GAB1: variants seen among roughly 807,000 people sequenced by gnomAD.
The protein encoded by GAB1 is GRB2 associated binding protein 1, also known as GRB2-associated-binding protein 1.
A neutral mutation model predicts 66.5 loss-of-function variants in GAB1; 19 were observed. That is an observed-to-expected ratio of 0.29 (90% confidence interval 0.20 to 0.42). The LOEUF (loss-of-function observed/expected upper bound fraction) is 0.42, where lower values mean the gene tolerates loss of function less well. Among genes scored for constraint, GAB1 ranks in the 10% least tolerant of loss-of-function variants. The pLI is 1.00. For synonymous variants in GAB1, 294 were observed against 301.4 expected, an observed-to-expected ratio of 0.98 and a Z score of 0.25; for missense variants, 732 against 858.5, an observed-to-expected ratio of 0.85 and a Z score of 1.84.
At chr4:143,437,610 G>A (rs1307804750) in intron 3 of GAB1, among the ~76,000 whole-genome samples, 1 of 152,170 alleles carries the variant, frequency 6.6e-6, no homozygotes, top group African/African-American at 2.4e-5. Context: ...AACTGTACTA[G>A]CACTAGGTTT....
At chr4:143,372,755 A>G (rs1730188930) in intron 1 of GAB1, among the ~76,000 whole-genome samples, 2 of 152,208 alleles carry the variant, frequency 1.3e-5, no homozygotes, top group Admixed American at 1.3e-4. Context: ...GGGTATCCCC[A>G]TGATAGCCTT....
chr4:143,389,108 G>A (rs767922207), intron 1 of GAB1, among the ~76,000 whole-genome samples: 31 of 152,198 alleles, frequency 2.0e-4, no homozygotes, highest in Non-Finnish European at 3.5e-4. Context: ...ACAGAAGGTG[G>A]TATTTTCACA....
At chr4:143,376,806 G>C (rs1405032321) in intron 1 of GAB1, 1 of 152,158 alleles carries the variant, frequency 6.6e-6, no homozygotes, top group Admixed American at 6.5e-5. Flanking sequence ...CTTTAAACAG[G>C]TTTATGTTGT....
intron 1 of GAB1, among the ~76,000 whole-genome samples, chr4:143,374,673 T>G (rs1730337072): frequency 6.6e-6 from 1 of 152,172 alleles, no homozygotes. Flanking sequence ...CCAAAGTTGC[T>G]TCTGAAGTGC....
At chr4:143,449,253 A>G (rs1284992843) in intron 6 of GAB1, among the ~76,000 whole-genome samples, 1 of 151,278 alleles carries the variant, frequency 6.6e-6, no homozygotes, top group East Asian at 1.9e-4. Context: ...GTGCTGAAAA[A>G]AAAGTATATT....
At chr4:143,430,675 A>C (rs1299793446) in intron 2 of GAB1, among the ~76,000 whole-genome samples, 2 of 152,218 alleles carry the variant, frequency 1.3e-5, no homozygotes, top group Non-Finnish European at 2.9e-5. Context: ...TTCTTGAAAA[A>C]GCAGAAACCT....
intron 1 of GAB1, among the ~76,000 whole-genome samples, chr4:143,406,034 C>T (rs1464089837): frequency 6.6e-6 from 1 of 151,980 alleles, no homozygotes; most frequent in Non-Finnish European, 1.5e-5. Flanking sequence ...GGTATATCAT[C>T]GTTTATTTAC....
chr4:143,425,886 G>A, intron 2 of GAB1: 3 of 1,423,488 alleles, frequency 2.1e-6, no homozygotes, highest in Non-Finnish European at 2.9e-6. Context: ...AGCTCCCACT[G>A]CTCAGGCCAC....
At chr4:143,374,348 A>G (rs55783556) in intron 1 of GAB1, among the ~76,000 whole-genome samples, 4,328 of 152,278 alleles carry the variant, frequency 0.028, 213 homozygotes, top group African/African-American at 0.1. Context: ...CGATTGGGGA[A>G]TCAGGATATT....
intron 2 of GAB1, among the ~76,000 whole-genome samples, 186 bp from the exon 3 acceptor site, chr4:143,433,305 T>G (rs1220156502): frequency 6.6e-6 from 1 of 152,224 alleles, no homozygotes; most frequent in Non-Finnish European, 1.5e-5. Flanking sequence ...TCTTTAGATC[T>G]CTTTGACAAG....
At chr4:143,386,349 G>A (rs544966895) in intron 1 of GAB1, among the ~76,000 whole-genome samples, 1 of 152,212 alleles carries the variant, frequency 6.6e-6, no homozygotes, top group Admixed American at 6.5e-5. Flanking sequence ...TATGTTTCAT[G>A]TACACCATAT....
intron 1 of GAB1, among the ~76,000 whole-genome samples, chr4:143,388,145 A>G (rs183574969): frequency 2.2e-4 from 33 of 152,196 alleles, no homozygotes; most frequent in Non-Finnish European, 3.7e-4. Flanking sequence ...TTTTAATTAT[A>G]CCAAGTACTA....
chr4:143,371,070 G>T (rs1352031383), intron 1 of GAB1, among the ~76,000 whole-genome samples: 6 of 152,130 alleles, frequency 3.9e-5, no homozygotes, highest in Non-Finnish European at 4.4e-5. Context: ...ACCCAGTAAT[G>T]GGATGGCTGG....
intron 2 of GAB1, among the ~76,000 whole-genome samples, chr4:143,418,983 T>C (rs1465398516): frequency 2.0e-5 from 3 of 152,114 alleles, no homozygotes; most frequent in African/African-American, 4.8e-5. Context: ...TTTAGAAAAT[T>C]GATTGATTAG....
chr4:143,440,059 G>T lies in GAB1; in HGVS notation c.1282-20G>T, dbSNP rs1734139622. On this transcript the variant is annotated intron_variant, in intron 5 of 9. Coordinates refer to ENST00000262994, the MANE Select transcript of GAB1 (RefSeq NM_002039.4). Reference sequence around the variant, plus strand: ...TGACAAGAGTTTTTGTTTATTAAAAGAAATATATATGTGTTTTAGAAAGTC... The same window carrying T: ...TGACAAGAGTTTTTGTTTATTAAAATAAATATATATGTGTTTTAGAAAGTC... 2.5e-6 allele frequency: 4 copies of T among 1,592,342 alleles called. No homozygotes were observed. In the East Asian group the frequency reaches 9.0e-5, roughly 36 times the overall value.
chr4:143,388,521 T>G (rs1295374008), intron 1 of GAB1, among the ~76,000 whole-genome samples: 1 of 152,106 alleles, frequency 6.6e-6, no homozygotes, highest in Non-Finnish European at 1.5e-5. Context: ...TTCAAGGAAT[T>G]CTCCTGCCTC....
chr4:143,437,565 G>A (rs1025654128), intron 3 of GAB1, among the ~76,000 whole-genome samples: 4 of 152,176 alleles, frequency 2.6e-5, no homozygotes, highest in Admixed American at 6.5e-5. Flanking sequence ...CAAATTTGCC[G>A]TGGGGAGGTT....
In GAB1 at chr4:143,458,273, T is replaced by C. The variant is rs77844840; in HGVS notation, c.1586-1112T>C. 5.4e-3 allele frequency among the ~76,000 whole-genome samples: 820 copies of C among 152,226 alleles called. 3 individuals carry two copies. The highest frequency in any genetic ancestry group is 0.019 in the African/African-American group (780 of 41,572). ...TCTGTATGTTTCTATTTTAAGAATA[T>C]AGACAAGCAAAATGGTTTCAGCTCA... On this transcript the variant is annotated intron_variant, in intron 6 of 9. Transcript: ENST00000262994.
chr4:143,409,123 G>A (rs944672538), intron 1 of GAB1, among the ~76,000 whole-genome samples: 2 of 152,228 alleles, frequency 1.3e-5, no homozygotes, highest in African/African-American at 4.8e-5. Flanking sequence ...CAAAGGAACA[G>A]GAGCTGATGC....
Sources: gnomAD v4.1 joint callset for allele counts (sites outside exome capture counted in the v4.1 genomes callset) on GRCh38, gnomAD v4.1.1 for gene constraint, MANE v1.5 for transcripts, NCBI Gene and HGNC (gene_info 2026-07-23, HGNC 2026-07-21) for gene names.